FMN1: variants seen among roughly 807,000 people sequenced by gnomAD.
The protein encoded by FMN1 is formin-1.
In FMN1, 110 loss-of-function variants were observed where a neutral mutation model predicts 132.4. That is an observed-to-expected ratio of 0.83 (90% CI 0.71 to 0.97). FMN1 has a LOEUF of 0.97. Among genes scored for constraint, FMN1 ranks in the 50% least tolerant of loss-of-function variants. FMN1 has a pLI of 0.00. For synonymous variants in FMN1, 722 were observed against 651.7 expected (o/e 1.11, Z -1.64); for missense variants, 1,792 against 1,705.3 (o/e 1.05, Z -0.90).
chr15:32,777,063 G>A, intron 19 of FMN1, 144 bp from the exon 20 acceptor site: 1 of 586,972 alleles, frequency 1.7e-6, no homozygotes, highest in Non-Finnish European at 3.0e-6. Flanking sequence ...ATACTGAAAT[G>A]TTTTTTCAAT....
At chr15:32,872,996 T>C (rs1238357383) in intron 16 of FMN1, among the ~76,000 whole-genome samples, 1 of 152,162 alleles carries the variant, frequency 6.6e-6, no homozygotes, top group Non-Finnish European at 1.5e-5. Flanking sequence ...GGTGGATGAA[T>C]TCTGGTATCT....
At chr15:33,119,473 A>G (rs925439579) in intron 4 of FMN1, among the ~76,000 whole-genome samples, 2 of 152,236 alleles carry the variant, frequency 1.3e-5, no homozygotes, top group African/African-American at 4.8e-5. Context: ...AGTGCCACCC[A>G]GGAGGAGACT....
intron 9 of FMN1, among the ~76,000 whole-genome samples, chr15:32,946,475 A>G (rs1455458755): frequency 2.0e-5 from 3 of 152,204 alleles, no homozygotes; most frequent in Non-Finnish European, 4.4e-5. Context: ...CTCCCTTGAA[A>G]TAATTATTCC....
chr15:32,929,459 T>A (rs541003272), intron 9 of FMN1, among the ~76,000 whole-genome samples: 1 of 152,326 alleles, frequency 6.6e-6, no homozygotes, highest in Non-Finnish European at 1.5e-5. Context: ...ATGAAATGTA[T>A]CCTATTAACA....
intron 6 of FMN1, among the ~76,000 whole-genome samples, chr15:33,030,502 A>G (rs901111166): frequency 2.0e-5 from 3 of 152,222 alleles, no homozygotes; most frequent in African/African-American, 7.2e-5. Context: ...GCGGCTTGCA[A>G]TAAATATGCC....
intron 15 of FMN1, among the ~76,000 whole-genome samples, chr15:32,890,487 T>C (rs183591476): frequency 2.7e-4 from 41 of 152,326 alleles, no homozygotes; most frequent in African/African-American, 6.3e-4. Context: ...CAGTATCGCA[T>C]TGTGGTTTTG....
At chr15:32,911,397 A>AT (rs2060558618) in intron 10 of FMN1, among the ~76,000 whole-genome samples, 2 of 152,164 alleles carry the variant, frequency 1.3e-5, no homozygotes, top group African/African-American at 4.8e-5. Context: ...ACGCTAGTAA[A>AT]TTTTCTCCGT....
chr15:32,846,401 T>C (rs111420839), intron 17 of FMN1, among the ~76,000 whole-genome samples: 4,187 of 152,134 alleles, frequency 0.028, 67 homozygotes, highest in Middle Eastern at 0.048. Context: ...CATCAAAAAG[T>C]GGGCAAAGGA....
rs148974497 is a variant in FMN1 at position 32,865,319 on chromosome 15, A to C, written c.3836-8212T>G. On this transcript the variant is annotated intron_variant, in intron 16 of 20. Coordinates refer to ENST00000616417, the MANE Select transcript of FMN1 (RefSeq NM_001277313.2). ...TAAAGCTAATTAGAAAGTCAGCCTTAAACTGGAACTATAATGAACAGATAA... is the reference window on the plus strand; with the variant it reads ...TAAAGCTAATTAGAAAGTCAGCCTTCAACTGGAACTATAATGAACAGATAA... Among the ~76,000 whole-genome samples, 1,037 of 152,366 alleles carry C rather than the reference A, an allele frequency of 6.8e-3. 7 individuals carry two copies. The highest frequency in any genetic ancestry group is 0.023 in the African/African-American group (968 of 41,582).
At chr15:33,062,245 T>C (rs559212709) in intron 6 of FMN1, among the ~76,000 whole-genome samples, 5 of 152,330 alleles carry the variant, frequency 3.3e-5, no homozygotes, top group Admixed American at 6.5e-5. Flanking sequence ...AAAATACTTA[T>C]AGACAAAGAC....
intron 9 of FMN1, among the ~76,000 whole-genome samples, chr15:32,963,502 A>G (rs2030836217): frequency 6.6e-6 from 1 of 152,058 alleles, no homozygotes; most frequent in Admixed American, 6.5e-5. Context: ...TAATAAATAA[A>G]TAAGAAGAAG....
At chr15:33,105,466 A>G (rs371559386) in intron 4 of FMN1, among the ~76,000 whole-genome samples, 65 of 152,264 alleles carry the variant, frequency 4.3e-4, no homozygotes, top group African/African-American at 1.5e-3. Flanking sequence ...TGGACTGTCA[A>G]TGGTTCAGAC....
chr15:33,067,675 C>G lies in FMN1; in HGVS notation c.2044-2601G>C. The G allele has an allele frequency of 1.2e-6, 2 of 1,614,030 alleles. No individual in the cohort carries two copies. Among genetic ancestry groups the G allele is most frequent in the Non-Finnish European group, 1.7e-6 (2 of 1,179,906 alleles). Reference sequence around the variant, plus strand: ...CCAAGCCATTGCTGGAATCATCCTGCTGAGATGTGGGATTCACGTCTAAAC... The same window carrying G: ...CCAAGCCATTGCTGGAATCATCCTGGTGAGATGTGGGATTCACGTCTAAAC... On this transcript the variant is annotated intron_variant, in intron 5 of 20. Coordinates refer to ENST00000616417, the MANE Select transcript of FMN1 (RefSeq NM_001277313.2).
At chr15:33,123,064 A>G (rs2140183034) in intron 4 of FMN1, among the ~76,000 whole-genome samples, 1 of 151,326 alleles carries the variant, frequency 6.6e-6, no homozygotes, top group Middle Eastern at 3.4e-3. Context: ...GCATCTCCAC[A>G]TCCTTATAAC....
intron 3 of FMN1, among the ~76,000 whole-genome samples, chr15:33,163,058 G>C (rs1964958242): frequency 6.6e-6 from 1 of 152,094 alleles, no homozygotes. Flanking sequence ...GGAGGTGGAG[G>C]TTGCAGTGAG....
At chr15:33,026,755 G>C (rs2035696728) in intron 6 of FMN1, among the ~76,000 whole-genome samples, 1 of 148,738 alleles carries the variant, frequency 6.7e-6, no homozygotes, top group Non-Finnish European at 1.5e-5. Flanking sequence ...GCAGGTGAAA[G>C]TCAGCCAGAT....
At chr15:33,121,007 A>C (rs981756444) in intron 4 of FMN1, among the ~76,000 whole-genome samples, 1 of 152,138 alleles carries the variant, frequency 6.6e-6, no homozygotes, top group Non-Finnish European at 1.5e-5. Context: ...TTTTAGTCTT[A>C]ATTATAGGAT....
intron 6 of FMN1, among the ~76,000 whole-genome samples, chr15:33,058,036 C>CGGGCTGGTGGTGGAAAGGTGTGGGG (rs2037308105): frequency 1.4e-5 from 2 of 146,662 alleles, no homozygotes; most frequent in Admixed American, 6.8e-5. Context: ...AAAGGCGTGG[C>CGGGCTGGTGGTGGAAAGGTGTGGGG]GGGCTGGTGG....
At chr15:32,778,894 T>C (rs2140885555) in intron 19 of FMN1, among the ~76,000 whole-genome samples, 1 of 152,216 alleles carries the variant, frequency 6.6e-6, no homozygotes, top group East Asian at 1.9e-4. Flanking sequence ...CTATTTATAG[T>C]AATCAAGAGT....
Sources: gnomAD v4.1 joint callset for allele counts (sites outside exome capture counted in the v4.1 genomes callset) on GRCh38, gnomAD v4.1.1 for gene constraint, MANE v1.5 for transcripts, NCBI Gene and HGNC (gene_info 2026-07-23, HGNC 2026-07-21) for gene names.